The following DLGAP1 variants were observed in gnomAD, a reference collection of about 807,000 sequenced individuals.
The protein encoded by DLGAP1 is DLG associated protein 1.
In DLGAP1, 11 loss-of-function variants were observed where a neutral mutation model predicts 90.8. The ratio of observed to expected loss-of-function variants is 0.12; its 90% confidence interval spans 0.08 to 0.20. The LOEUF is 0.20. DLGAP1 is among the 10% of genes least tolerant of loss of function. The pLI, the probability that DLGAP1 is intolerant of heterozygous loss-of-function variation, is 1.00. For missense variants in DLGAP1, 1,050 were observed against 1,333.8 expected (o/e 0.79, Z 3.31); for synonymous variants, 558 against 540.7 (o/e 1.03, Z -0.44).
chr18:4,315,275 G>A (rs1367003022), intron 1 of DLGAP1, among the ~76,000 whole-genome samples: 1 of 152,172 alleles, frequency 6.6e-6, no homozygotes, highest in Non-Finnish European at 1.5e-5. Flanking sequence ...TGGCAGGTAG[G>A]ATGTAAATTG....
At chr18:4,278,900 G>C (rs1286404627) in intron 1 of DLGAP1, among the ~76,000 whole-genome samples, 6 of 152,164 alleles carry the variant, frequency 3.9e-5, no homozygotes, top group Admixed American at 3.3e-4. Flanking sequence ...CCCATTAGTG[G>C]GATTGCTGGA....
intron 2 of DLGAP1, among the ~76,000 whole-genome samples, chr18:4,108,375 G>T (rs916929445): frequency 2.6e-5 from 4 of 152,046 alleles, no homozygotes; most frequent in African/African-American, 9.7e-5. Context: ...CTGGGGCTTT[G>T]GGTCTCCTTT....
intron 5 of DLGAP1, among the ~76,000 whole-genome samples, chr18:3,799,286 AG>A (rs1384804735): frequency 2.0e-5 from 3 of 152,182 alleles, no homozygotes; most frequent in African/African-American, 7.2e-5. Flanking sequence ...TTATTATTTC[AG>A]GCTGCCTCTA....
chr18:3,646,735 T>C (rs1264547121), intron 7 of DLGAP1, among the ~76,000 whole-genome samples: 1 of 152,020 alleles, frequency 6.6e-6, no homozygotes, highest in African/African-American at 2.4e-5. Flanking sequence ...CCATCCTGGC[T>C]AACACGGTGA....
chr18:4,252,543 T>C (rs1233731373), intron 1 of DLGAP1, among the ~76,000 whole-genome samples: 1 of 152,190 alleles, frequency 6.6e-6, no homozygotes, highest in Non-Finnish European at 1.5e-5. Context: ...AGTATTATGC[T>C]TTAGACTCCT....
intron 2 of DLGAP1, among the ~76,000 whole-genome samples, chr18:4,024,994 T>C (rs1325794278): frequency 1.3e-5 from 2 of 152,216 alleles, no homozygotes; most frequent in South Asian, 2.1e-4. Flanking sequence ...ACTGGGGAAA[T>C]CAGACAAAAC....
chr18:4,386,681 T>G (rs751320377), intron 1 of DLGAP1, among the ~76,000 whole-genome samples: 3 of 152,128 alleles, frequency 2.0e-5, no homozygotes, highest in African/African-American at 4.8e-5. Context: ...AGATCACATA[T>G]GCAGAGTATT....
intron 1 of DLGAP1, among the ~76,000 whole-genome samples, chr18:4,425,764 A>G (rs1342597922): frequency 2.6e-5 from 4 of 152,146 alleles, no homozygotes; most frequent in African/African-American, 7.2e-5. Flanking sequence ...GAGGTTAGAA[A>G]GAAAGAGGAC....
intron 3 of DLGAP1, among the ~76,000 whole-genome samples, chr18:3,924,944 A>G (rs1039669064): frequency 1.1e-4 from 17 of 151,962 alleles, no homozygotes; most frequent in Admixed American, 1.0e-3. Context: ...ACTTTATAAA[A>G]GTCAGTTTTT....
rs1598926368 is a variant in DLGAP1, at chr18:4,335,595, A to C, written c.-267+119411T>G. 4.6e-5 allele frequency among the ~76,000 whole-genome samples: 7 copies of C among 152,376 alleles called. 1 individual carries two copies. ...CCTGGCTCTGGAAAAGGAAGGAAACATAAGACAGTACTGTCTGGAGGAAAC... is the reference window on the plus strand; with the variant it reads ...CCTGGCTCTGGAAAAGGAAGGAAACCTAAGACAGTACTGTCTGGAGGAAAC... On this transcript the variant is annotated intron_variant, in intron 1 of 12. Transcript: ENST00000315677.
chr18:3,898,024 G>C (rs1048648602), intron 3 of DLGAP1, among the ~76,000 whole-genome samples: 3 of 152,036 alleles, frequency 2.0e-5, no homozygotes, highest in South Asian at 4.2e-4. Context: ...TCGATCTCCT[G>C]ACCTCGTGAT....
chr18:4,059,107 A>G (rs2075264249), intron 2 of DLGAP1, among the ~76,000 whole-genome samples: 1 of 152,118 alleles, frequency 6.6e-6, no homozygotes, highest in African/African-American at 2.4e-5. Flanking sequence ...AACCCCAAGG[A>G]TGAATAGGGG....
chr18:4,427,323 G>A lies in DLGAP1; in HGVS notation c.-267+27683C>T, dbSNP rs924977158. 2.0e-5 allele frequency among the ~76,000 whole-genome samples: 3 copies of A among 152,170 alleles called. No homozygotes were observed. The East Asian group carries it at 5.8e-4, about 29-fold the overall frequency. The stretch of plus-strand genomic sequence containing the variant: ...GAGGTGGAGTTGGGAGGGGAGTTAT[G>A]CAATAAACAAAGGATGGGACTTGGA... On this transcript the variant is annotated intron_variant, in intron 1 of 12. Transcript: ENST00000315677.
intron 7 of DLGAP1, among the ~76,000 whole-genome samples, chr18:3,695,433 T>G (rs1177186488): frequency 2.0e-5 from 3 of 152,224 alleles, no homozygotes; most frequent in African/African-American, 7.2e-5. Context: ...CTAGCCAGTT[T>G]TCCCAGCACC....
intron 4 of DLGAP1, chr18:3,874,720 A>C: frequency 6.5e-7 from 1 of 1,528,034 alleles, no homozygotes; most frequent in Non-Finnish European, 8.7e-7. Flanking sequence ...CCTGCTCCCA[A>C]CCCTAATACA....
At chr18:3,858,575 A>C (rs2069824111) in intron 4 of DLGAP1, among the ~76,000 whole-genome samples, 2 of 151,808 alleles carry the variant, frequency 1.3e-5, no homozygotes, top group South Asian at 4.2e-4. Context: ...CTGATTGCAA[A>C]TGTGCAAGAT....
chr18:3,863,492 G>A (rs2070206244), intron 4 of DLGAP1, among the ~76,000 whole-genome samples: 1 of 152,090 alleles, frequency 6.6e-6, no homozygotes, highest in Non-Finnish European at 1.5e-5. Context: ...TTATTCCCTG[G>A]GGTTATCTCC....
At chr18:3,551,176 T>TATATATATATATAC (rs1478108279) in intron 9 of DLGAP1, among the ~76,000 whole-genome samples, 20 of 4,138 alleles carry the variant, frequency 4.8e-3, no homozygotes, top group African/African-American at 6.5e-3. Flanking sequence ...TATATATATA[T>TATATATATATATAC]ACACATACAT....
chr18:3,770,470 T>C (rs1364627413), intron 5 of DLGAP1, among the ~76,000 whole-genome samples: 1 of 152,112 alleles, frequency 6.6e-6, no homozygotes, highest in Non-Finnish European at 1.5e-5. Context: ...AGACTGGAGG[T>C]GGCCATAGGA....
Sources: allele counts gnomAD v4.1 joint callset (sites outside exome capture counted in the v4.1 genomes callset), GRCh38; gene constraint gnomAD v4.1.1; transcripts MANE v1.5; gene names NCBI Gene and HGNC (gene_info 2026-07-23, HGNC 2026-07-21).